Variants in FAT3 observed in about 807,000 individuals in gnomAD.
FAT3 encodes FAT atypical cadherin 3, also known as protocadherin Fat 3.
A neutral mutation model predicts 310.2 loss-of-function variants in FAT3; 95 were observed. The ratio of observed to expected loss-of-function variants is 0.31; its 90% CI spans 0.26 to 0.36. The LOEUF (loss-of-function observed/expected upper bound fraction) is 0.36, where lower values mean the gene tolerates loss of function less well. Ranked by LOEUF, FAT3 falls within the 10% of genes least tolerant of loss-of-function variation. The probability of loss-of-function intolerance (pLI) is 1.00; values close to 1 mark genes in which losing one functional copy is unlikely to be tolerated. For synonymous variants in FAT3, 2,314 were observed against 2,192.9 expected (o/e 1.06, Z -1.54); for missense variants, 5,408 against 5,715.6 (o/e 0.95, Z 1.74).
intron 3 of FAT3, among the ~76,000 whole-genome samples, chr11:92,690,829 A>T (rs1943778030): frequency 6.6e-6 from 1 of 152,184 alleles, no homozygotes; most frequent in Non-Finnish European, 1.5e-5. Flanking sequence ...GAAGGGAAAG[A>T]GGTGGAAATA....
chr11:92,295,189 G>T (rs1946817400), intron 1 of FAT3, among the ~76,000 whole-genome samples: 1 of 152,192 alleles, frequency 6.6e-6, no homozygotes, highest in African/African-American at 2.4e-5. Context: ...TGGAACTATT[G>T]GGTACAAGAC....
At chr11:92,881,670 T>G (rs1949673849) in intron 23 of FAT3, among the ~76,000 whole-genome samples, 1 of 152,174 alleles carries the variant, frequency 6.6e-6, no homozygotes, top group Non-Finnish European at 1.5e-5. Flanking sequence ...ACCAAAAATA[T>G]AGGTGATTGG....
intron 1 of FAT3, among the ~76,000 whole-genome samples, chr11:92,288,842 T>A (rs1411352991): frequency 6.6e-6 from 1 of 152,148 alleles, no homozygotes; most frequent in African/African-American, 2.4e-5. Context: ...CATTTTTTAG[T>A]ATTCTAGGCT....
chr11:92,805,081 C>T, intron 10 of FAT3, 72 bp from the exon 11 acceptor site: 1 of 1,492,180 alleles, frequency 6.7e-7, no homozygotes, highest in Non-Finnish European at 9.1e-7. Flanking sequence ...CCACATGCAC[C>T]TCTCAAGGTA....
At chr11:92,836,481 C>A in intron 15 of FAT3, 85 bp from the exon 16 acceptor site, 1 of 1,500,976 alleles carries the variant, frequency 6.7e-7, no homozygotes, top group South Asian at 1.3e-5. Context: ...CAGCTGCACC[C>A]ATTTAAACAG....
At chr11:92,684,146 A>G (rs1458326) in intron 3 of FAT3, among the ~76,000 whole-genome samples, 42,253 of 152,136 alleles carry the variant, frequency 0.28, 6,171 homozygotes, top group Non-Finnish European at 0.32. Context: ...GCGAACAAAG[A>G]AGATGAAAAT....
rs1275565766 is a variant in FAT3, at chr11:92,800,988, T to G, written c.7975T>G (p.Trp2659Gly). Residue 2659 changes from tryptophan to glycine, a missense_variant, in exon 10 of 28, where the codon TGG (tryptophan) becomes GGG (glycine). By Grantham distance (184) the Trp-to-Gly change is radical (BLOSUM62 -2). Coordinates refer to ENST00000525166, the MANE Select transcript of FAT3 (RefSeq NM_001367949.2). ...CCTGGAAATCGATCCTGACAATGGCTGGATGGTCACAAAGGGTAATTTTAA... is the reference window on the plus strand; with the variant it reads ...CCTGGAAATCGATCCTGACAATGGCGGGATGGTCACAAAGGGTAATTTTAA... ...DLLEIDPDNG[W>G]MVTKGNFNQL... 1 of 1,613,530 alleles carries G rather than the reference T, an allele frequency of 6.2e-7. No homozygotes were observed. The highest frequency in any genetic ancestry group is 8.5e-7 in the Non-Finnish European group (1 of 1,179,722).
intron 22 of FAT3, 128 bp from the exon 23 acceptor site, chr11:92,880,603 A>C (rs1949651538): frequency 9.4e-7 from 1 of 1,064,694 alleles, no homozygotes; most frequent in Non-Finnish European, 1.3e-6. Context: ...TTTGCTAACC[A>C]CCTTTGGAAT....
chr11:92,882,585 T>TCCCCCC lies in FAT3; in HGVS notation c.12282-148_12282-143dup, dbSNP rs58520864. Among the ~76,000 whole-genome samples, 571 of 92,880 alleles carry TCCCCCC rather than the reference T, an allele frequency of 6.1e-3. 32 individuals carry two copies. The highest frequency in any genetic ancestry group is 0.013 in the South Asian group (29 of 2,208). The allele number at this position is 92,880 out of a possible 152,430, so 60.9% of individuals were successfully genotyped here. ...CAGAAATGCCTAAATTAACTCCCCC[T>TCCCCCC]CCCCCCCCCCACCAACCATCTTTGT... On this transcript the variant is annotated intron_variant, in intron 23 of 27. Transcript: ENST00000525166.
At chr11:92,442,867 C>T (rs1053261075) in intron 2 of FAT3, among the ~76,000 whole-genome samples, 3 of 152,152 alleles carry the variant, frequency 2.0e-5, no homozygotes, top group Non-Finnish European at 2.9e-5. Context: ...CTTAACCTCA[C>T]TGAGCCTCAG....
chr11:92,763,965 A>G (rs112878483), intron 5 of FAT3, among the ~76,000 whole-genome samples: 1 of 152,214 alleles, frequency 6.6e-6, no homozygotes. Flanking sequence ...TCGAAGGGCT[A>G]TAGCTATCAG....
intron 13 of FAT3, among the ~76,000 whole-genome samples, chr11:92,819,839 A>G (rs139880878): frequency 4.7e-4 from 71 of 152,330 alleles, no homozygotes; most frequent in African/African-American, 1.6e-3. Context: ...TTCATACCAC[A>G]GTGACTTGTT....
chr11:92,460,969 A>T (rs767103473), intron 2 of FAT3, among the ~76,000 whole-genome samples: 10 of 152,160 alleles, frequency 6.6e-5, no homozygotes, highest in South Asian at 2.1e-4. Context: ...GTTCTGAGCT[A>T]TGTGAACCAG....
intron 2 of FAT3, among the ~76,000 whole-genome samples, chr11:92,478,676 G>T (rs1229636145): frequency 6.6e-6 from 1 of 151,984 alleles, no homozygotes; most frequent in Admixed American, 6.5e-5. Flanking sequence ...GAGTGCAGTG[G>T]CGTGATCTAC....
intron 1 of FAT3, among the ~76,000 whole-genome samples, chr11:92,307,945 A>G (rs924680339): frequency 6.6e-5 from 10 of 152,146 alleles, no homozygotes; most frequent in African/African-American, 2.2e-4. Context: ...TCTTATGGAA[A>G]TTTGATCTTT....
At chr11:92,314,419 A>T (rs951492096) in intron 1 of FAT3, 3 of 354,766 alleles carry the variant, frequency 8.5e-6, no homozygotes, top group African/African-American at 6.7e-5. Flanking sequence ...GGTTTGGTAG[A>T]AGGGAAAGAG....
chr11:92,751,195 G>A (rs1414468456), intron 4 of FAT3, among the ~76,000 whole-genome samples: 1 of 152,222 alleles, frequency 6.6e-6, no homozygotes, highest in Non-Finnish European at 1.5e-5. Context: ...TAATGTGATG[G>A]TTAGGAGCAC....
intron 1 of FAT3, among the ~76,000 whole-genome samples, chr11:92,265,802 C>G (rs1295455539): frequency 6.6e-6 from 1 of 152,028 alleles, no homozygotes. Flanking sequence ...GCACTAACCC[C>G]ACTCATGAGA....
chr11:92,239,558 A>G (rs140615439), intron 1 of FAT3, among the ~76,000 whole-genome samples: 25 of 152,250 alleles, frequency 1.6e-4, no homozygotes, highest in African/African-American at 6.0e-4. Flanking sequence ...CCCCTGCCTG[A>G]GTAATTTATC....
Sources: allele counts gnomAD v4.1 joint callset (sites outside exome capture counted in the v4.1 genomes callset), GRCh38; gene constraint gnomAD v4.1.1; transcripts MANE v1.5; gene names NCBI Gene and HGNC (gene_info 2026-07-23, HGNC 2026-07-21).